Variants in SYTL5 observed in about 807,000 individuals in gnomAD.
SYTL5 encodes synaptotagmin-like protein 5.
In SYTL5, 34 loss-of-function variants were observed where a neutral mutation model predicts 55.9. That is an observed-to-expected ratio of 0.61 (90% CI 0.46 to 0.81). The LOEUF is 0.81. Ranked by LOEUF, SYTL5 falls within the 30% of genes least tolerant of loss-of-function variation. The pLI, the probability that SYTL5 is intolerant of heterozygous loss-of-function variation, is 0.00. For synonymous variants in SYTL5, 221 were observed against 188.7 expected, an observed-to-expected ratio of 1.17 and a Z score of -1.40; for missense variants, 637 against 546.7, an observed-to-expected ratio of 1.17 and a Z score of -1.65.
At chrX:37,992,940 G>A in the SYTL5 span, among the ~76,000 whole-genome samples, 1 of 111,266 alleles carries the variant, frequency 9.0e-6, no homozygotes, top group Non-Finnish European at 1.9e-5. Flanking sequence ...TATAGCTTCA[G>A]TTCTACAATT....
rs2147401967 is a variant in SYTL5, at chrX:38,072,227, C to A, written c.445+65C>A. 3 of 850,038 alleles carry A rather than the reference C, an allele frequency of 3.5e-6. No individual in the cohort carries two copies. The South Asian group carries it at 6.7e-5, about 19-fold the overall frequency. 70.1% of individuals were successfully genotyped at this position (850,038 alleles called of 1,213,427 possible). The stretch of plus-strand genomic sequence containing the variant: ...CTCCATTTGGCTAACTAAATAACTT[C>A]TCTATGTTATGTAGTTAATCAGCAT... On this transcript the variant is annotated intron_variant, in intron 4 of 16. Coordinates refer to ENST00000297875, the MANE Select transcript of SYTL5 (RefSeq NM_138780.3).
intron 13 of SYTL5, 103 bp from the exon 14 acceptor site, chrX:38,120,255 G>A: frequency 1.8e-6 from 1 of 557,761 alleles, no homozygotes; most frequent in Admixed American, 2.7e-5. Context: ...AGAATGGATT[G>A]TCACATTTAT....
At chrX:37,982,350 A>G in the SYTL5 span, among the ~76,000 whole-genome samples, 8 of 112,170 alleles carry the variant, frequency 7.1e-5, no homozygotes, top group African/African-American at 2.6e-4. Context: ...CATGAACTTC[A>G]TGATTTGTCA....
chrX:38,024,836 A>G (rs1934701256), intron 1 of SYTL5, among the ~76,000 whole-genome samples: 1 of 111,440 alleles, frequency 9.0e-6, no homozygotes, highest in Non-Finnish European at 1.9e-5. Flanking sequence ...TGAAGAATCC[A>G]TATCATTGTG....
the SYTL5 span, among the ~76,000 whole-genome samples, chrX:37,963,584 GC>G: frequency 8.9e-6 from 1 of 111,899 alleles, no homozygotes; most frequent in African/African-American, 3.2e-5. Context: ...ACCATACTCG[GC>G]CTTGATTTTG....
chrX:38,052,827 C>G, intron 2 of SYTL5, among the ~76,000 whole-genome samples: 2 of 111,306 alleles, frequency 1.8e-5, no homozygotes, highest in Middle Eastern at 9.2e-3. Context: ...CATAGACATT[C>G]TGTGTTGAAG....
intron 15 of SYTL5, among the ~76,000 whole-genome samples, chrX:38,123,835 G>A (rs1218018072): frequency 1.8e-5 from 2 of 112,234 alleles, no homozygotes; most frequent in African/African-American, 3.2e-5. Flanking sequence ...TAAATATTAG[G>A]CTGATTCTAA....
chrX:37,910,503 A>G, the SYTL5 span, among the ~76,000 whole-genome samples: 1 of 112,388 alleles, frequency 8.9e-6, no homozygotes, highest in Non-Finnish European at 1.9e-5. Flanking sequence ...TTGGACAAGT[A>G]CAACATTTCT....
intron 3 of SYTL5, among the ~76,000 whole-genome samples, chrX:38,061,742 A>T (rs936757645): frequency 1.3e-4 from 15 of 111,118 alleles, no homozygotes; most frequent in Non-Finnish European, 2.5e-4. Context: ...TAGTTTTTAA[A>T]CTCTATAAAA....
chrX:37,993,746 C>G, the SYTL5 span, among the ~76,000 whole-genome samples: 1 of 112,438 alleles, frequency 8.9e-6, no homozygotes, highest in African/African-American at 3.2e-5. Context: ...AGCTCACAGA[C>G]AATGCAAGGC....
At chrX:38,007,977 A>G (rs1261123817) in intron 1 of SYTL5, among the ~76,000 whole-genome samples, 3 of 111,630 alleles carry the variant, frequency 2.7e-5, no homozygotes, top group Non-Finnish European at 5.7e-5. Context: ...AAGTCTTCTG[A>G]TAGGTTTAGT....
Position 38,022,076 on chromosome X carries a change from A to C in SYTL5, c.-356-11458A>C, listed in dbSNP as rs373025747. ...ACATGAAATACATAAACATTCAAGT[A>C]CAAATTTTCATCAGATTCAACAGAT... On this transcript the variant is annotated intron_variant, in intron 1 of 16. Coordinates refer to ENST00000297875, the MANE Select transcript of SYTL5 (RefSeq NM_138780.3). Among the ~76,000 whole-genome samples the C allele has an allele frequency of 1.5e-4, 17 of 112,762 alleles. No homozygotes were observed. The South Asian group carries it at 4.4e-3, about 29-fold the overall frequency.
intron 10 of SYTL5, among the ~76,000 whole-genome samples, chrX:38,103,876 T>C (rs967583557): frequency 1.8e-5 from 2 of 111,726 alleles, no homozygotes; most frequent in Non-Finnish European, 3.8e-5. Context: ...AATAATGTAA[T>C]AAGCAGTGTA....
intron 9 of SYTL5, among the ~76,000 whole-genome samples, chrX:38,097,227 G>T (rs1242923194): frequency 9.0e-6 from 1 of 110,779 alleles, no homozygotes; most frequent in African/African-American, 3.3e-5. Flanking sequence ...GTGGAAGAAT[G>T]AGTCTATATA....
At chrX:38,029,716 A>G (rs1257475685) in intron 1 of SYTL5, among the ~76,000 whole-genome samples, 4 of 110,284 alleles carry the variant, frequency 3.6e-5, no homozygotes, top group African/African-American at 1.4e-4. Context: ...TTTTATCAAT[A>G]ATCTTTAAAA....
At chrX:37,909,125 C>A in the SYTL5 span, among the ~76,000 whole-genome samples, 1 of 104,800 alleles carries the variant, frequency 9.5e-6, no homozygotes, top group Middle Eastern at 4.9e-3. Context: ...CCCCCACACA[C>A]AGTTCAAAAT....
intron 2 of SYTL5, among the ~76,000 whole-genome samples, chrX:38,047,131 C>G (rs1255908027): frequency 8.9e-6 from 1 of 111,921 alleles, no homozygotes; most frequent in Non-Finnish European, 1.9e-5. Context: ...ATCTACTGTT[C>G]TGCGGTCTGG....
At chrX:38,000,146 G>A in the SYTL5 span, among the ~76,000 whole-genome samples, 1 of 111,373 alleles carries the variant, frequency 9.0e-6, no homozygotes, top group Admixed American at 9.5e-5. Context: ...GACAGGTTGG[G>A]AAAAAAGGGC....
chrX:37,985,101 A>G, the SYTL5 span, among the ~76,000 whole-genome samples: 275 of 112,102 alleles, frequency 2.5e-3, 2 homozygotes, highest in African/African-American at 7.5e-3. Flanking sequence ...CTTCTACTCA[A>G]TATTGTACTA....
Sources: allele counts gnomAD v4.1 joint callset (sites outside exome capture counted in the v4.1 genomes callset), GRCh38; gene constraint gnomAD v4.1.1; transcripts MANE v1.5; gene names NCBI Gene and HGNC (gene_info 2026-07-23, HGNC 2026-07-21).